Variants in MSRB2 observed in about 807,000 individuals in gnomAD.
MSRB2 encodes methionine sulfoxide reductase B2.
In MSRB2, 17 loss-of-function variants were observed where a neutral mutation model predicts 19.0. That is an observed-to-expected ratio of 0.89 (90% CI 0.61 to 1.34). MSRB2 has a LOEUF of 1.34. Among genes scored for constraint, MSRB2 ranks in the 40% most tolerant of loss-of-function variants. MSRB2 has a pLI of 0.00. For synonymous variants in MSRB2, 107 were observed against 99.7 expected (o/e 1.07, Z -0.44); for missense variants, 208 against 237.6 (o/e 0.88, Z 0.82).
intron 3 of MSRB2, among the ~76,000 whole-genome samples, chr10:23,112,657 C>G (rs368974826): frequency 6.6e-6 from 1 of 152,296 alleles, no homozygotes; most frequent in South Asian, 2.1e-4. Flanking sequence ...GGCGCGATCT[C>G]GGCTCACTGC....
At chr10:23,101,965 A>C (rs192472032) in intron 1 of MSRB2, among the ~76,000 whole-genome samples, 2 of 152,288 alleles carry the variant, frequency 1.3e-5, no homozygotes, top group Admixed American at 6.5e-5. Flanking sequence ...TCTGTCTTTC[A>C]TGACCTTTAC....
chr10:23,108,042 C>A (rs1011521591), intron 2 of MSRB2, among the ~76,000 whole-genome samples: 9 of 151,670 alleles, frequency 5.9e-5, no homozygotes, highest in Admixed American at 5.9e-4. Flanking sequence ...CCCACTGCAA[C>A]CTCTACCTCC....
intron 3 of MSRB2, among the ~76,000 whole-genome samples, chr10:23,114,075 C>A (rs538270971): frequency 6.6e-6 from 1 of 152,084 alleles, no homozygotes; most frequent in African/African-American, 2.4e-5. Flanking sequence ...ACGGGCTGAA[C>A]GTGGTGACTC....
rs1588971280 is a variant in MSRB2 at position 23,115,516 on chromosome 10, ACCAAGTG to A, written c.297-3785_297-3779del. On this transcript the variant is annotated intron_variant, in intron 3 of 4. Coordinates refer to ENST00000376510, the MANE Select transcript of MSRB2 (RefSeq NM_012228.4). ...TAAGAGGTTAGGGTTGTCAGTTATC[ACCAAGTG>A]CCTGTGCTGTTGGTTTGGGACCTGT... Among the ~76,000 whole-genome samples, 4 of 152,352 alleles carry A rather than the reference ACCAAGTG, an allele frequency of 2.6e-5. No individual in the cohort carries two copies. In the East Asian group the frequency reaches 7.7e-4, roughly 29 times the overall value.
At chr10:23,110,779 G>C (rs1357419064) in intron 3 of MSRB2, among the ~76,000 whole-genome samples, 1 of 152,114 alleles carries the variant, frequency 6.6e-6, no homozygotes, top group Non-Finnish European at 1.5e-5. Context: ...CACAATGCTT[G>C]ACAGTAGCGA....
chr10:23,099,347 A>G (rs938793993), intron 1 of MSRB2, among the ~76,000 whole-genome samples: 1 of 152,220 alleles, frequency 6.6e-6, no homozygotes, highest in African/African-American at 2.4e-5. Flanking sequence ...TTCTGCAGCT[A>G]AATGTTGCAT....
At chr10:23,116,808 A>G (rs1840116061) in intron 3 of MSRB2, among the ~76,000 whole-genome samples, 1 of 152,118 alleles carries the variant, frequency 6.6e-6, no homozygotes, top group South Asian at 2.1e-4. Context: ...TGGCAGTTAG[A>G]GTTGATTCTT....
intron 1 of MSRB2, among the ~76,000 whole-genome samples, chr10:23,097,970 G>A (rs1460224471): frequency 6.6e-6 from 1 of 152,130 alleles, no homozygotes; most frequent in African/African-American, 2.4e-5. Context: ...TTTCTCATAT[G>A]CTTAGAGTGA....
chr10:23,102,964 CA>C, intron 1 of MSRB2, among the ~76,000 whole-genome samples: 1 of 151,878 alleles, frequency 6.6e-6, no homozygotes. Context: ...ATTTTCATAG[CA>C]AAAAGAAACC....
intron 2 of MSRB2, among the ~76,000 whole-genome samples, chr10:23,109,107 C>T (rs1840016464): frequency 6.6e-6 from 1 of 152,208 alleles, no homozygotes; most frequent in African/African-American, 2.4e-5. Context: ...TGTGCTCTGG[C>T]TTTCCTCTGG....
chr10:23,112,764 A>C (rs1002565654), intron 3 of MSRB2, among the ~76,000 whole-genome samples: 1 of 152,160 alleles, frequency 6.6e-6, no homozygotes, highest in Admixed American at 6.5e-5. Context: ...TTGTATTATT[A>C]GTAGAGACGG....
chr10:23,109,611 T>C (rs1413851003), intron 2 of MSRB2, among the ~76,000 whole-genome samples: 3 of 152,286 alleles, frequency 2.0e-5, no homozygotes, highest in East Asian at 1.9e-4. Flanking sequence ...TTCATTGACT[T>C]GTCTCCTTGT....
intron 3 of MSRB2, among the ~76,000 whole-genome samples, chr10:23,113,475 A>AT (rs11397794): frequency 0.9 from 136,491 of 152,120 alleles, 61,928 homozygotes; most frequent in Non-Finnish European, 0.96. Flanking sequence ...TGGATCAAGT[A>AT]TTTTATTTAG....
intron 1 of MSRB2, among the ~76,000 whole-genome samples, chr10:23,100,939 G>A (rs913077010): frequency 6.6e-5 from 10 of 152,198 alleles, no homozygotes; most frequent in Non-Finnish European, 5.9e-5. Flanking sequence ...TGAGAGGAAG[G>A]GGAGACGTAG....
chr10:23,096,374 T>TGTGTGTGTGTGTGTGTGTGTG (rs1458244236), intron 1 of MSRB2, among the ~76,000 whole-genome samples: 3 of 48,274 alleles, frequency 6.2e-5, no homozygotes, highest in African/African-American at 1.3e-4. Context: ...GTGTGTGTGT[T>TGTGTGTGTGTGTGTGTGTGTG]TCTGCTAAAT....
rs144653384 is a variant in MSRB2 at position 23,096,352 on chromosome 10, C to CTCTCTCTGTGTGTGTG, written c.118+627_118+628insCTCTCTGTGTGTGTGT. ...TGTGTGTGTGTGTCTCTCTCTCTCT[C>CTCTCTCTGTGTGTGTG]TGTGTGTGTGTGTGTGTGTGTTTCT... On this transcript the variant is annotated intron_variant, in intron 1 of 4. Transcript: ENST00000376510. Among the ~76,000 whole-genome samples, 371 of 142,832 alleles carry CTCTCTCTGTGTGTGTG rather than the reference C, an allele frequency of 2.6e-3. 7 individuals are homozygous for CTCTCTCTGTGTGTGTG. The highest frequency in any genetic ancestry group is 0.017 in the East Asian group (85 of 4,948). 93.7% of individuals were successfully genotyped at this position (142,832 alleles called of 152,430 possible).
intron 1 of MSRB2, 40 bp downstream of exon 1, chr10:23,095,766 C>G: frequency 8.3e-7 from 1 of 1,200,450 alleles, no homozygotes; most frequent in Non-Finnish European, 1.0e-6. Flanking sequence ...CCGCCTACGG[C>G]TTTCGGCTTC....
At chr10:23,117,406 A>G (rs1162138628) in intron 3 of MSRB2, among the ~76,000 whole-genome samples, 10 of 152,202 alleles carry the variant, frequency 6.6e-5, no homozygotes, top group African/African-American at 2.4e-4. Context: ...GCACATATGA[A>G]GATTCAGTTG....
Position 23,095,682 on chromosome 10 carries a change from C to T in MSRB2, c.74C>T (p.Ala25Val). Reference protein sequence around the residue: ...TAPRRAVRGQAGGGGPGTGPG... With the variant: ...TAPRRAVRGQVGGGGPGTGPG... ...CCTCGGCGGGCGGTGCGGGGCCAAG[C>T]GGGCGGCGGCGGGCCCGGCACCGGG... The change falls in exon 1 of 5, where the codon GCG (alanine) becomes GTG (valine). Residue 25 changes from alanine (A) to valine (V), a missense_variant. Transcript: ENST00000376510. The T allele has an allele frequency of 3.0e-6, 4 of 1,319,044 alleles. No homozygotes were observed. Among genetic ancestry groups the T allele is most frequent in the South Asian group, 2.1e-5 (1 of 47,400 alleles). The allele number at this position is 1,319,044 out of a possible 1,614,324, so 81.7% of individuals were successfully genotyped here. A position where few individuals can be genotyped will look rare whatever the true frequency, so the allele number is the denominator to read the frequency against.
Sources: allele counts gnomAD v4.1 joint callset (sites outside exome capture counted in the v4.1 genomes callset), GRCh38; gene constraint gnomAD v4.1.1; transcripts MANE v1.5; gene names NCBI Gene and HGNC (gene_info 2026-07-23, HGNC 2026-07-21).